The following YY1 variants were observed in gnomAD, a reference collection of about 807,000 sequenced individuals.
The protein encoded by YY1 is YY1 transcription factor, also known as transcriptional repressor protein YY1.
Under a neutral mutation model 35.6 loss-of-function variants are expected in YY1, and 2 were observed. The ratio of observed to expected loss-of-function variants is 0.06; its 90% CI spans 0.02 to 0.18. The LOEUF is 0.18. YY1 is among the 10% of genes least tolerant of loss of function. YY1 has a pLI of 1.00. For missense variants in YY1, 322 were observed against 573.4 expected (o/e 0.56, Z 4.48); for synonymous variants, 268 against 238.9 (o/e 1.12, Z -1.12).
chr14:100,268,341 A>T (rs1372836727), intron 2 of YY1, among the ~76,000 whole-genome samples: 2 of 152,250 alleles, frequency 1.3e-5, no homozygotes, highest in African/African-American at 4.8e-5. Context: ...AAAGTCTGAC[A>T]TTGGGAAGGT....
chr14:100,268,675 T>G (rs1026465539), intron 2 of YY1, among the ~76,000 whole-genome samples: 1 of 152,238 alleles, frequency 6.6e-6, no homozygotes, highest in Non-Finnish European at 1.5e-5. Flanking sequence ...ATTTAAGAGA[T>G]AATTCATTGA....
At chr14:100,240,101 G>A (rs896085527) in intron 1 of YY1, among the ~76,000 whole-genome samples, 178 bp downstream of exon 1, 2 of 146,434 alleles carry the variant, frequency 1.4e-5, no homozygotes, top group Non-Finnish European at 3.0e-5. Flanking sequence ...GGGCCGCGAA[G>A]ATGGCGGCAG....
chr14:100,269,299 A>G (rs1267127275), intron 2 of YY1, among the ~76,000 whole-genome samples: 1 of 152,206 alleles, frequency 6.6e-6, no homozygotes, highest in Non-Finnish European at 1.5e-5. Flanking sequence ...TTAAGTAGGT[A>G]GCATTATACC....
intron 1 of YY1, among the ~76,000 whole-genome samples, chr14:100,244,242 G>GTAT (rs1161340235): frequency 2.0e-5 from 3 of 151,316 alleles, no homozygotes; most frequent in African/African-American, 7.3e-5. Context: ...TGTAATATCA[G>GTAT]TATAGGAATC....
intron 2 of YY1, among the ~76,000 whole-genome samples, chr14:100,273,274 T>A (rs528286273): frequency 6.6e-6 from 1 of 151,708 alleles, no homozygotes; most frequent in Non-Finnish European, 1.5e-5. Context: ...TATGGTTTTT[T>A]AAATTATTAT....
intron 3 of YY1, 92 bp downstream of exon 3, chr14:100,274,850 A>C (rs972654813): frequency 2.1e-5 from 26 of 1,212,090 alleles, no homozygotes; most frequent in Non-Finnish European, 2.1e-5. Context: ...TGCTTGTGAT[A>C]ATTTAAATGA....
At position 100,239,189 on chromosome 14, in the gene YY1, C is replaced by A; in HGVS notation, c.-56C>A. ...CACGGCCGGCCGCCTCCTCGCCCGC[C>A]CGCCCGCAGCCGAGGAGCCGAGGCC... On this transcript the variant is annotated 5_prime_UTR_variant, in exon 1 of 5. Coordinates refer to ENST00000262238, the MANE Select transcript of YY1 (RefSeq NM_003403.5). 7.4e-7 allele frequency: 1 copy of A among 1,359,074 alleles called. No individual in the cohort carries two copies. The allele number at this position is 1,359,074 out of a possible 1,614,324, so 84.2% of individuals were successfully genotyped here.
At position 100,260,108 on chromosome 14, in the gene YY1, G is replaced by A. The variant is rs915430005; in HGVS notation, c.680-2196G>A. Reference sequence around the variant, plus strand: ...TTTGTTTGTTTGTTTGTTTTGAGACGGGGTCTTGCTCTGTTGCCCAGGGTG... The same window carrying A: ...TTTGTTTGTTTGTTTGTTTTGAGACAGGGTCTTGCTCTGTTGCCCAGGGTG... On this transcript the variant is annotated intron_variant, in intron 1 of 4. Coordinates refer to ENST00000262238, the MANE Select transcript of YY1 (RefSeq NM_003403.5). Among the ~76,000 whole-genome samples the A allele has an allele frequency of 5.3e-5, 8 of 151,910 alleles. No homozygotes were observed. The Middle Eastern group carries it at 0.014, about 260-fold the overall frequency.
At chr14:100,241,638 T>G (rs1337960617) in intron 1 of YY1, among the ~76,000 whole-genome samples, 1 of 152,220 alleles carries the variant, frequency 6.6e-6, no homozygotes, top group Admixed American at 6.5e-5. Context: ...TCCATGTATT[T>G]TGGTAGCTCA....
rs966081365 is a variant in YY1 at position 100,240,069 on chromosome 14, C to CGCGGCG, written c.679+157_679+162dup. Reference sequence around the variant, plus strand: ...ATGGCGGGCCGTGCGGCGGCGGGGGCGCGGCGGCGGCGGCGGGCGGCGGGC... The same window carrying CGCGGCG: ...ATGGCGGGCCGTGCGGCGGCGGGGGCGCGGCGGCGGCGGCGGCGGCGGGCGGCGGGC... On this transcript the variant is annotated intron_variant, in intron 1 of 4. Transcript: ENST00000262238. 17 of 636,488 alleles carry CGCGGCG rather than the reference C, an allele frequency of 2.7e-5. 1 individual carries two copies. Among genetic ancestry groups the CGCGGCG allele is most frequent in the Admixed American group, 5.4e-5 (1 of 18,660 alleles). The allele number at this position is 636,488 out of a possible 1,614,324, so 39.4% of individuals were successfully genotyped here. A position where few individuals can be genotyped will look rare whatever the true frequency, so the allele number is the denominator to read the frequency against.
Position 100,276,437 on chromosome 14 carries a change from T to C in YY1, c.904-53T>C. The C allele has an allele frequency of 6.2e-7, 1 of 1,613,336 alleles. No homozygotes were observed. Among genetic ancestry groups the C allele is most frequent in the Admixed American group, 1.7e-5 (1 of 60,020 alleles). On this transcript the variant is annotated intron_variant, in intron 3 of 4. Transcript: ENST00000262238. This position sits in a 1 kb window ranked among gnomAD's most constrained non-coding sequence, Gnocchi z 4.1. ...CAGTAAAGGCTGTTAAATGGTTGAA[T>C]CCTTTCTAACAGTTTGCAATGTGAA...
At chr14:100,268,994 T>TACA (rs1230867017) in intron 2 of YY1, among the ~76,000 whole-genome samples, 1 of 152,252 alleles carries the variant, frequency 6.6e-6, no homozygotes, top group Non-Finnish European at 1.5e-5. Flanking sequence ...CCACAATCTT[T>TACA]ACAACGTTCT....
At chr14:100,274,063 CT>C (rs895144038) in intron 2 of YY1, among the ~76,000 whole-genome samples, 5 of 152,186 alleles carry the variant, frequency 3.3e-5, no homozygotes, top group African/African-American at 9.7e-5. Flanking sequence ...TAGGAGCTCT[CT>C]CCCCAAAGTA....
intron 1 of YY1, among the ~76,000 whole-genome samples, chr14:100,247,003 A>G (rs1030991334): frequency 1.5e-4 from 23 of 152,026 alleles, no homozygotes; most frequent in African/African-American, 5.1e-4. Context: ...TTTCCCTCCC[A>G]CTATCAACAA....
rs1595334921 is a variant in YY1 at position 100,277,076 on chromosome 14, A to T, written c.1063-342A>T. 1 of 446,630 alleles carries T rather than the reference A, an allele frequency of 2.2e-6. No homozygotes were observed. The highest frequency in any genetic ancestry group is 4.3e-5 in the East Asian group (1 of 23,040). The allele number at this position is 446,630 out of a possible 1,614,324, so 27.7% of individuals were successfully genotyped here. A position where few individuals can be genotyped will look rare whatever the true frequency, so the allele number is the denominator to read the frequency against. The stretch of plus-strand genomic sequence containing the variant: ...GAAAGAACTAGCAGTGCAGCTAGTA[A>T]ATCTAACGTGGTTCTTTTTTGACAA... On this transcript the variant is annotated intron_variant, in intron 4 of 4. Coordinates refer to ENST00000262238, the MANE Select transcript of YY1 (RefSeq NM_003403.5). The surrounding 1 kb of genome is among the most constrained non-coding windows in gnomAD (Gnocchi z 5.6).
chr14:100,254,034 C>T (rs1046305828), intron 1 of YY1, among the ~76,000 whole-genome samples: 1 of 151,780 alleles, frequency 6.6e-6, no homozygotes, highest in African/African-American at 2.4e-5. Context: ...TGGGGTTTCA[C>T]CATGTTGGCC....
intron 2 of YY1, 115 bp from the exon 3 acceptor site, chr14:100,274,583 T>A: frequency 1.2e-6 from 1 of 829,916 alleles, no homozygotes; most frequent in Non-Finnish European, 2.0e-6. Flanking sequence ...TGGAAATGTA[T>A]CATAATTTTA....
At chr14:100,251,282 G>A (rs1890920755) in intron 1 of YY1, among the ~76,000 whole-genome samples, 1 of 152,308 alleles carries the variant, frequency 6.6e-6, no homozygotes, top group South Asian at 2.1e-4. Context: ...AGTAGGAGAG[G>A]TGTGAGAGGT....
chr14:100,251,048 C>T (rs1437253140), intron 1 of YY1, among the ~76,000 whole-genome samples: 1 of 152,080 alleles, frequency 6.6e-6, no homozygotes, highest in Non-Finnish European at 1.5e-5. Context: ...TTCTGATTAA[C>T]ATATTGACTA....
Sources: gnomAD v4.1 joint callset for allele counts (sites outside exome capture counted in the v4.1 genomes callset) on GRCh38, gnomAD v4.1.1 for gene constraint, Gnocchi (gnomAD v3.1) non-coding constraint, MANE v1.5 for transcripts, NCBI Gene and HGNC (gene_info 2026-07-23, HGNC 2026-07-21) for gene names.